LCLAT1: variants seen among roughly 807,000 people sequenced by gnomAD.
The protein encoded by LCLAT1 is 1-AGP acyltransferase 8.
LCLAT1 carries 11 observed loss-of-function variants against 30.7 expected under a neutral mutation model. That is an observed-to-expected ratio of 0.36 (90% CI 0.23 to 0.59). The LOEUF is 0.59. LCLAT1 is among the 20% of genes least tolerant of loss of function. The pLI is 0.77. For missense variants in LCLAT1, 402 were observed against 458.6 expected (o/e 0.88, Z 1.13); for synonymous variants, 155 against 151.3 (o/e 1.02, Z -0.18).
At chr2:30,466,704 T>C (rs2363291) in intron 1 of LCLAT1, among the ~76,000 whole-genome samples, 19,197 of 152,128 alleles carry the variant, frequency 0.13, 1,324 homozygotes, top group South Asian at 0.23. Flanking sequence ...CCAATTCTAC[T>C]TAACACTGGG....
At chr2:30,635,340 T>C (rs373385235) in intron 5 of LCLAT1, among the ~76,000 whole-genome samples, 1 of 151,932 alleles carries the variant, frequency 6.6e-6, no homozygotes, top group South Asian at 2.1e-4. Flanking sequence ...GCTTTTGGAG[T>C]TAACACATTT....
At chr2:30,513,014 G>T (rs1432152106) in intron 1 of LCLAT1, among the ~76,000 whole-genome samples, 1 of 152,056 alleles carries the variant, frequency 6.6e-6, no homozygotes, top group Non-Finnish European at 1.5e-5. Flanking sequence ...CTAACTTAAA[G>T]GGTGGTACTT....
At chr2:30,533,357 G>C in intron 3 of LCLAT1, 43 bp downstream of exon 3, 1 of 1,492,036 alleles carries the variant, frequency 6.7e-7, no homozygotes, top group South Asian at 1.1e-5. Context: ...ATTCATTTTA[G>C]ATGTAATGCA....
In LCLAT1 at chr2:30,568,137, A is replaced by G; in HGVS notation, c.589A>G (p.Thr197Ala). 1 of 1,606,548 alleles carries G rather than the reference A, an allele frequency of 6.2e-7. No individual in the cohort carries two copies. The highest frequency in any genetic ancestry group is 8.5e-7 in the Non-Finnish European group (1 of 1,175,900). The change falls in exon 5 of 6, where the codon ACT becomes GCT. Residue 197 changes from threonine to alanine, a missense_variant. Physicochemically the swap from Thr to Ala is moderately conservative, Grantham distance 58. Coordinates refer to ENST00000379509, the MANE Select transcript of LCLAT1 (RefSeq NM_001002257.3). ...ATATGAATATGTTTTACATCCAAGA[A>G]CTACAGGCTTTACTTTTGTGGTAGA... ...QKYEYVLHPRTTGFTFVVDRL... is the reference protein window; with the variant it reads ...QKYEYVLHPRATGFTFVVDRL...
chr2:30,523,691 A>G (rs1685579542), intron 1 of LCLAT1, among the ~76,000 whole-genome samples: 1 of 152,162 alleles, frequency 6.6e-6, no homozygotes, highest in African/African-American at 2.4e-5. Context: ...AACATGGTGA[A>G]ACCGTGTCTT....
intron 5 of LCLAT1, among the ~76,000 whole-genome samples, chr2:30,622,500 C>T (rs966418946): frequency 1.3e-5 from 2 of 152,154 alleles, no homozygotes; most frequent in African/African-American, 2.4e-5. Context: ...TCAGCCAACA[C>T]AAAAAACAGC....
intron 5 of LCLAT1, among the ~76,000 whole-genome samples, chr2:30,628,675 G>A (rs932157781): frequency 5.3e-5 from 8 of 152,004 alleles, no homozygotes; most frequent in East Asian, 1.9e-4. Flanking sequence ...AAAGGAGATC[G>A]GTGCCATAAT....
chr2:30,557,039 C>T (rs978681000), intron 3 of LCLAT1, among the ~76,000 whole-genome samples: 6 of 152,072 alleles, frequency 3.9e-5, no homozygotes, highest in Non-Finnish European at 5.9e-5. Flanking sequence ...CCACCATGCC[C>T]GGCCTAGAAA....
chr2:30,482,574 A>G (rs1408201669), intron 1 of LCLAT1, among the ~76,000 whole-genome samples: 1 of 152,170 alleles, frequency 6.6e-6, no homozygotes, highest in Admixed American at 6.5e-5. Flanking sequence ...ATGCCGTGAC[A>G]GCTCATTCAT....
chr2:30,639,929 A>G (rs545940698), intron 5 of LCLAT1, among the ~76,000 whole-genome samples, 188 bp from the exon 6 acceptor site: 91 of 152,300 alleles, frequency 6.0e-4, no homozygotes, highest in African/African-American at 2.1e-3. Flanking sequence ...GCAGGAAATA[A>G]AACTAAAGAT....
chr2:30,585,199 G>A (rs187432145), intron 5 of LCLAT1, among the ~76,000 whole-genome samples: 12 of 151,904 alleles, frequency 7.9e-5, no homozygotes, highest in East Asian at 1.9e-4. Flanking sequence ...CCTCTCAAGC[G>A]CTGTTCATTT....
chr2:30,585,301 TG>T (rs1356845268), intron 5 of LCLAT1, among the ~76,000 whole-genome samples: 1 of 151,606 alleles, frequency 6.6e-6, no homozygotes, highest in African/African-American at 2.4e-5. Flanking sequence ...AACATTTTTT[TG>T]AGCCTTTTGT....
intron 5 of LCLAT1, among the ~76,000 whole-genome samples, chr2:30,612,965 C>T (rs1558556657): frequency 6.6e-6 from 1 of 152,048 alleles, no homozygotes; most frequent in African/African-American, 2.4e-5. Context: ...GATGATGGGG[C>T]TTACAGAGAA....
chr2:30,602,554 G>A (rs773327933), intron 5 of LCLAT1, among the ~76,000 whole-genome samples: 4 of 152,084 alleles, frequency 2.6e-5, no homozygotes, highest in African/African-American at 9.7e-5. Flanking sequence ...CACCTGCACT[G>A]GGAATTGTTT....
chr2:30,523,214 T>C (rs1572567526), intron 1 of LCLAT1, among the ~76,000 whole-genome samples: 1 of 147,962 alleles, frequency 6.8e-6, no homozygotes, highest in South Asian at 2.1e-4. Context: ...GGGGGCGGGG[T>C]GGGTGTATAA....
At chr2:30,632,333 C>G (rs1002518950) in intron 5 of LCLAT1, among the ~76,000 whole-genome samples, 1 of 152,170 alleles carries the variant, frequency 6.6e-6, no homozygotes, top group African/African-American at 2.4e-5. Context: ...CACAGATCAT[C>G]AACTTCCAAT....
Position 30,525,753 on chromosome 2 carries a change from G to A in LCLAT1, c.163G>A (p.Val55Met). The A allele has an allele frequency of 6.2e-7, 1 of 1,613,998 alleles. No homozygotes were observed. The highest frequency in any genetic ancestry group is 8.5e-7 in the Non-Finnish European group (1 of 1,179,964). Residue 55 changes from valine (V) to methionine (M), a missense_variant and splice_region_variant, in exon 2 of 6, where the codon GTG becomes ATG. Physicochemically the swap from Val to Met is conservative, Grantham distance 21. Transcript: ENST00000379509. ...RLVATWLTLP[V>M]ALLETMFGVK... ...TGTGGCAACATGGCTCACCCTACCT[G>A]TGGTAAGTTACACACCAGAGGAGAC...
chr2:30,528,210 C>G (rs1685815418), intron 2 of LCLAT1, among the ~76,000 whole-genome samples: 1 of 152,186 alleles, frequency 6.6e-6, no homozygotes, highest in Non-Finnish European at 1.5e-5. Context: ...GTAATAGAAT[C>G]TGGGAAATGT....
chr2:30,572,586 G>A lies in LCLAT1; in HGVS notation c.628+4410G>A, dbSNP rs189412538. Among the ~76,000 whole-genome samples the A allele has an allele frequency of 2.6e-5, 4 of 152,284 alleles. No individual in the cohort carries two copies. In the East Asian group the frequency reaches 5.8e-4, roughly 22 times the overall value. On this transcript the variant is annotated intron_variant, in intron 5 of 5. Coordinates refer to ENST00000379509, the MANE Select transcript of LCLAT1 (RefSeq NM_001002257.3). ...CTGGCTCCGTTTAGCAACTTTCACA[G>A]GGTCATACTGCTGCTGAGCAGAGGA...
Sources: gnomAD v4.1 joint callset for allele counts (sites outside exome capture counted in the v4.1 genomes callset) on GRCh38, gnomAD v4.1.1 for gene constraint, MANE v1.5 for transcripts, NCBI Gene and HGNC (gene_info 2026-07-23, HGNC 2026-07-21) for gene names.